GRID1: variants seen among roughly 807,000 people sequenced by gnomAD.
The protein encoded by GRID1 is glutamate receptor ionotropic, delta-1.
A neutral mutation model predicts 98.0 loss-of-function variants in GRID1; 28 were observed. That is an observed-to-expected ratio of 0.29 (90% CI 0.21 to 0.39). GRID1 has a LOEUF of 0.39. Ranked by LOEUF, GRID1 falls within the 10% of genes least tolerant of loss-of-function variation. The probability of loss-of-function intolerance (pLI) is 1.00; values close to 1 mark genes in which losing one functional copy is unlikely to be tolerated. For synonymous variants in GRID1, 553 were observed against 538.5 expected, an observed-to-expected ratio of 1.03 and a Z score of -0.37; for missense variants, 1,111 against 1,340.5, an observed-to-expected ratio of 0.83 and a Z score of 2.67.
At chr10:85,771,590 G>C (rs1842268407) in intron 8 of GRID1, among the ~76,000 whole-genome samples, 1 of 152,104 alleles carries the variant, frequency 6.6e-6, no homozygotes, top group South Asian at 2.1e-4. Flanking sequence ...CTCATGTGCA[G>C]AGACACAAAT....
intron 8 of GRID1, among the ~76,000 whole-genome samples, chr10:85,808,636 A>T (rs1023755073): frequency 6.6e-6 from 1 of 152,222 alleles, no homozygotes; most frequent in Non-Finnish European, 1.5e-5. Context: ...TGCAAGCATG[A>T]TCTAAGTAAG....
chr10:85,647,560 T>C, intron 12 of GRID1, 163 bp from the exon 13 acceptor site: 1 of 625,234 alleles, frequency 1.6e-6, no homozygotes, highest in Non-Finnish European at 2.8e-6. Context: ...CAGCCCAGAG[T>C]GGGACTTGCA....
At chr10:86,086,183 C>T (rs765197257) in intron 4 of GRID1, among the ~76,000 whole-genome samples, 5 of 152,138 alleles carry the variant, frequency 3.3e-5, no homozygotes, top group Admixed American at 1.3e-4. Flanking sequence ...TGCCACAGAA[C>T]TCACCACCCT....
chr10:85,842,428 C>T (rs534028052), intron 8 of GRID1, among the ~76,000 whole-genome samples: 17 of 151,944 alleles, frequency 1.1e-4, no homozygotes, highest in African/African-American at 3.4e-4. Context: ...CACACATTTA[C>T]GTATGTAACA....
intron 4 of GRID1, among the ~76,000 whole-genome samples, chr10:86,087,424 T>C (rs1844077459): frequency 6.6e-6 from 1 of 151,466 alleles, no homozygotes; most frequent in South Asian, 2.1e-4. Context: ...TCTGTGTATG[T>C]GTGTGTACAG....
intron 4 of GRID1, among the ~76,000 whole-genome samples, chr10:86,121,676 T>C (rs1844679963): frequency 6.6e-6 from 1 of 151,228 alleles, no homozygotes; most frequent in Admixed American, 6.6e-5. Context: ...ACCAGGGACA[T>C]TTACTGAGCA....
chr10:85,886,356 C>T (rs1841118244), intron 5 of GRID1, among the ~76,000 whole-genome samples: 3 of 152,186 alleles, frequency 2.0e-5, no homozygotes, highest in Admixed American at 2.0e-4. Flanking sequence ...TGAATTGTCT[C>T]TGAACCATTT....
At chr10:85,657,222 G>A (rs1392429510) in intron 12 of GRID1, among the ~76,000 whole-genome samples, 1 of 152,062 alleles carries the variant, frequency 6.6e-6, no homozygotes, top group Non-Finnish European at 1.5e-5. Context: ...TACATTATAT[G>A]ATAAAAATAC....
chr10:85,905,052 C>T (rs1310722197), intron 5 of GRID1, among the ~76,000 whole-genome samples: 2 of 151,598 alleles, frequency 1.3e-5, no homozygotes, highest in Admixed American at 1.3e-4. Flanking sequence ...AAAATAAAAA[C>T]AAGAAGAAAA....
intron 8 of GRID1, among the ~76,000 whole-genome samples, chr10:85,787,009 C>A (rs1418429901): frequency 6.6e-6 from 1 of 152,230 alleles, no homozygotes; most frequent in African/African-American, 2.4e-5. Flanking sequence ...CAGGGCTCCC[C>A]CTCTGCCTCC....
In GRID1 at chr10:85,647,412, G is replaced by A; in HGVS notation, c.1998-15C>T. 1 of 1,605,190 alleles carries A rather than the reference G, an allele frequency of 6.2e-7. No homozygotes were observed. The highest frequency in any genetic ancestry group is 1.3e-5 in the African/African-American group (1 of 74,812). ...CCTGGAAAGTCCTGAAATGCAGAAA[G>A]GCAGCGAGGCATGAGTACATGCTGT... is the stretch of plus-strand genomic sequence containing the variant. On this transcript the variant is annotated splice_polypyrimidine_tract_variant and intron_variant, in intron 12 of 15. Coordinates refer to ENST00000327946, the MANE Select transcript of GRID1 (RefSeq NM_017551.3).
At chr10:85,976,885 CAG>C (rs749635076) in intron 4 of GRID1, among the ~76,000 whole-genome samples, 2 of 152,204 alleles carry the variant, frequency 1.3e-5, no homozygotes, top group African/African-American at 2.4e-5. Context: ...CACATGGGTG[CAG>C]GTTTACTCCA....
At chr10:86,257,683 T>A (rs1240736080) in intron 2 of GRID1, among the ~76,000 whole-genome samples, 1 of 152,124 alleles carries the variant, frequency 6.6e-6, no homozygotes, top group African/African-American at 2.4e-5. Flanking sequence ...GGGACAGTGA[T>A]ACTATGGGGA....
intron 3 of GRID1, among the ~76,000 whole-genome samples, chr10:86,201,355 G>T (rs1422589075): frequency 1.3e-5 from 2 of 152,146 alleles, no homozygotes; most frequent in East Asian, 1.9e-4. Context: ...CCAACCATGG[G>T]TCCCATACTT....
chr10:85,901,070 G>A (rs928315090), intron 5 of GRID1, among the ~76,000 whole-genome samples: 3 of 152,282 alleles, frequency 2.0e-5, no homozygotes, highest in African/African-American at 4.8e-5. Context: ...TATAAATGCT[G>A]CGACGCGGAT....
chr10:86,124,513 T>A (rs1233216095), intron 4 of GRID1, among the ~76,000 whole-genome samples: 1 of 152,172 alleles, frequency 6.6e-6, no homozygotes, highest in African/African-American at 2.4e-5. Context: ...TTGGCATCAT[T>A]GTCCCTAACC....
chr10:86,167,115 G>A (rs777130065), intron 3 of GRID1, among the ~76,000 whole-genome samples: 4 of 152,196 alleles, frequency 2.6e-5, no homozygotes, highest in Non-Finnish European at 4.4e-5. Context: ...GCAAACCCCA[G>A]CACAATCTTA....
At chr10:85,784,686 G>T (rs913027258) in intron 8 of GRID1, among the ~76,000 whole-genome samples, 1 of 152,220 alleles carries the variant, frequency 6.6e-6, no homozygotes, top group African/African-American at 2.4e-5. Flanking sequence ...ACAGCAAGGA[G>T]CCCATCTTAA....
chr10:86,009,990 T>G (rs1368300294), intron 4 of GRID1, among the ~76,000 whole-genome samples: 1 of 152,150 alleles, frequency 6.6e-6, no homozygotes, highest in Non-Finnish European at 1.5e-5. Context: ...AACCATCAGG[T>G]ACCTCATCCA....
Sources: allele counts gnomAD v4.1 joint callset (sites outside exome capture counted in the v4.1 genomes callset), GRCh38; gene constraint gnomAD v4.1.1; transcripts MANE v1.5; gene names NCBI Gene and HGNC (gene_info 2026-07-23, HGNC 2026-07-21).